ARL15: variants seen among roughly 807,000 people sequenced by gnomAD.
ARL15 encodes ADP-ribosylation factor-like protein 15.
ARL15 carries 19 observed loss-of-function variants against 25.2 expected under a neutral mutation model. The observed-to-expected ratio is 0.75, with a 90% CI of 0.53 to 1.10. The LOEUF (loss-of-function observed/expected upper bound fraction) is 1.10. Ranked by LOEUF, ARL15 falls within the 50% of genes least tolerant of loss-of-function variation. ARL15 has a pLI of 0.00. For missense variants in ARL15, 220 were observed against 246.0 expected, an observed-to-expected ratio of 0.89 and a Z score of 0.71; for synonymous variants, 94 against 86.8, an observed-to-expected ratio of 1.08 and a Z score of -0.46.
At chr5:53,950,508 C>A (rs1016206102) in intron 4 of ARL15, among the ~76,000 whole-genome samples, 22 of 152,046 alleles carry the variant, frequency 1.4e-4, no homozygotes, top group African/African-American at 1.2e-4. Context: ...AGCTTTTTTT[C>A]ATTTGATTAC....
At chr5:53,928,556 CA>C (rs1746101996) in intron 4 of ARL15, among the ~76,000 whole-genome samples, 1 of 152,152 alleles carries the variant, frequency 6.6e-6, no homozygotes, top group African/African-American at 2.4e-5. Context: ...CTTTTACAAA[CA>C]AATAGAGCCA....
At chr5:54,291,776 T>C (rs529860391) in intron 1 of ARL15, among the ~76,000 whole-genome samples, 31 of 152,208 alleles carry the variant, frequency 2.0e-4, no homozygotes, top group Non-Finnish European at 3.2e-4. Context: ...TTTCAACATG[T>C]AAATCTGGTG....
intron 1 of ARL15, among the ~76,000 whole-genome samples, chr5:54,292,408 GCCACTGAAACTCCTGCCCTCCA>G: frequency 1.3e-5 from 2 of 152,280 alleles, no homozygotes; most frequent in South Asian, 4.1e-4. Context: ...GGATAAGCAA[GCCACTGAAACTCCTGCCCTCCA>G]CCTGTTATCA....
intron 3 of ARL15, among the ~76,000 whole-genome samples, chr5:54,137,535 G>A (rs1299623306): frequency 2.0e-5 from 3 of 152,070 alleles, no homozygotes; most frequent in African/African-American, 7.2e-5. Context: ...TGCCAATCAA[G>A]GTTAATATTT....
At chr5:54,109,621 G>A (rs1752686437) in intron 4 of ARL15, among the ~76,000 whole-genome samples, 1 of 151,838 alleles carries the variant, frequency 6.6e-6, no homozygotes, top group Admixed American at 6.6e-5. Context: ...CTCTCCTATG[G>A]GAGTTGTAAA....
At chr5:53,977,350 G>A (rs957893894) in intron 4 of ARL15, among the ~76,000 whole-genome samples, 5 of 105,476 alleles carry the variant, frequency 4.7e-5, no homozygotes, top group Admixed American at 1.1e-4. Flanking sequence ...GTGAGACTCC[G>A]CCTCAAAAAA....
At chr5:54,226,324 A>T (rs1756517763) in intron 1 of ARL15, among the ~76,000 whole-genome samples, 1 of 152,204 alleles carries the variant, frequency 6.6e-6, no homozygotes, top group South Asian at 2.1e-4. Flanking sequence ...GGAATGAGTA[A>T]GTGAAAGAAC....
chr5:53,939,146 A>G (rs780404448), intron 4 of ARL15, among the ~76,000 whole-genome samples: 1 of 152,214 alleles, frequency 6.6e-6, no homozygotes, highest in East Asian at 1.9e-4. Flanking sequence ...ATTTACAAAG[A>G]GCTCTGAATG....
At chr5:54,121,914 A>G (rs1413151713) in intron 3 of ARL15, among the ~76,000 whole-genome samples, 2 of 152,220 alleles carry the variant, frequency 1.3e-5, no homozygotes, top group Non-Finnish European at 2.9e-5. Flanking sequence ...ACAAGTGTTA[A>G]CTGTCATTTT....
At chr5:54,130,090 C>T (rs1276826150) in intron 3 of ARL15, among the ~76,000 whole-genome samples, 1 of 151,992 alleles carries the variant, frequency 6.6e-6, no homozygotes, top group African/African-American at 2.4e-5. Context: ...AGTAAAAAAT[C>T]AGCCAGATAT....
At chr5:54,214,165 G>A (rs775594428) in intron 1 of ARL15, among the ~76,000 whole-genome samples, 1 of 152,058 alleles carries the variant, frequency 6.6e-6, no homozygotes, top group Non-Finnish European at 1.5e-5. Context: ...AGAGATGCAG[G>A]GGCTGCTGCA....
chr5:53,917,033 A>T (rs562410579), intron 4 of ARL15, among the ~76,000 whole-genome samples: 2 of 152,284 alleles, frequency 1.3e-5, no homozygotes, highest in East Asian at 3.9e-4. Context: ...AACAGTTTTC[A>T]TTTTCTTTTC....
Position 54,241,015 on chromosome 5 carries a change from T to C in ARL15, c.49-69087A>G, listed in dbSNP as rs1016450131. Among the ~76,000 whole-genome samples, 5 of 152,144 alleles carry C rather than the reference T, an allele frequency of 3.3e-5. No individual in the cohort carries two copies. In the East Asian group the frequency reaches 9.6e-4, roughly 29 times the overall value. On this transcript the variant is annotated intron_variant, in intron 1 of 4. Coordinates refer to ENST00000504924, the MANE Select transcript of ARL15 (RefSeq NM_019087.3). ...TAAATGAGTTCTGAAATTACTCACA[T>C]CCCATCAGTAATCTGACAATAAATA... is the stretch of plus-strand genomic sequence containing the variant.
At chr5:54,026,430 C>T (rs374412451) in intron 4 of ARL15, among the ~76,000 whole-genome samples, 3 of 152,110 alleles carry the variant, frequency 2.0e-5, no homozygotes, top group Non-Finnish European at 2.9e-5. Flanking sequence ...CCACAATGCC[C>T]GGCTAATGTT....
chr5:54,213,987 TGA>T (rs1324994697), intron 1 of ARL15, among the ~76,000 whole-genome samples: 1 of 151,960 alleles, frequency 6.6e-6, no homozygotes, highest in African/African-American at 2.4e-5. Flanking sequence ...AACACATATA[TGA>T]GAGAGAAGTC....
intron 4 of ARL15, among the ~76,000 whole-genome samples, chr5:53,909,737 A>G (rs1161978181): frequency 6.6e-6 from 1 of 152,128 alleles, no homozygotes; most frequent in Admixed American, 6.6e-5. Flanking sequence ...AATAAAACAA[A>G]ACATAAAAAC....
At chr5:54,062,948 T>G (rs758330173) in intron 4 of ARL15, among the ~76,000 whole-genome samples, 1 of 152,228 alleles carries the variant, frequency 6.6e-6, no homozygotes, top group Non-Finnish European at 1.5e-5. Context: ...AATCATAGTT[T>G]CAAGAAGTAG....
chr5:53,939,733 C>CAA (rs201690627), intron 4 of ARL15, among the ~76,000 whole-genome samples: 1 of 143,584 alleles, frequency 7.0e-6, no homozygotes, highest in African/African-American at 2.5e-5. Context: ...GACTCCGTCT[C>CAA]AAAAAAAAAT....
At chr5:54,179,411 C>T (rs886466931) in intron 1 of ARL15, among the ~76,000 whole-genome samples, 5 of 152,038 alleles carry the variant, frequency 3.3e-5, no homozygotes, top group African/African-American at 4.8e-5. Flanking sequence ...GAGAAAAACA[C>T]CGGGCAAAGG....
Sources: gnomAD v4.1 joint callset for allele counts (sites outside exome capture counted in the v4.1 genomes callset) on GRCh38, gnomAD v4.1.1 for gene constraint, MANE v1.5 for transcripts, NCBI Gene and HGNC (gene_info 2026-07-23, HGNC 2026-07-21) for gene names.